Variants in AMY2B observed in about 807,000 individuals in gnomAD.
AMY2B encodes the protein amylase alpha 2B.
Under a neutral mutation model 59.3 loss-of-function variants are expected in AMY2B, and 63 were observed. That is an observed-to-expected ratio of 1.06 (90% confidence interval 0.87 to 1.31). AMY2B has a LOEUF of 1.31. Among genes scored for constraint, AMY2B ranks in the 50% most tolerant of loss-of-function variants. The pLI is 0.00. For missense variants in AMY2B, 635 were observed against 626.7 expected (o/e 1.01, Z -0.14); for synonymous variants, 180 against 198.1 (o/e 0.91, Z 0.77).
chr1:103,566,100 T>G (rs777274892), intron 2 of AMY2B, among the ~76,000 whole-genome samples: 1 of 152,168 alleles, frequency 6.6e-6, no homozygotes, highest in Non-Finnish European at 1.5e-5. Flanking sequence ...TTCCTTGCTC[T>G]TCTACATGTT....
At chr1:103,577,162 T>C (rs1652389825) in intron 7 of AMY2B, among the ~76,000 whole-genome samples, 2 of 152,122 alleles carry the variant, frequency 1.3e-5, no homozygotes, top group Non-Finnish European at 2.9e-5. Context: ...CGCTTGAGCC[T>C]GGGAGATCAA....
At chr1:103,575,161 T>G in intron 5 of AMY2B, 62 bp from the exon 6 acceptor site, 2 of 1,608,550 alleles carry the variant, frequency 1.2e-6, no homozygotes, top group African/African-American at 2.7e-5. Context: ...GATGCACAGT[T>G]AAGTTACTCG....
At chr1:103,564,783 T>A (rs1288184141) in intron 1 of AMY2B, among the ~76,000 whole-genome samples, 1 of 152,152 alleles carries the variant, frequency 6.6e-6, no homozygotes, top group African/African-American at 2.4e-5. Flanking sequence ...AATTCTCTGC[T>A]TCTTTCTTCA....
chr1:103,571,574 G>T (rs773714565), upstream of AMY2B: 9 of 1,607,638 alleles, frequency 5.6e-6, no homozygotes, highest in Non-Finnish European at 7.6e-6. Context: ...AATAGTTTCT[G>T]GAAAGGACAC....
chr1:103,564,017 G>A lies in AMY2B; in HGVS notation c.-206-1418G>A, dbSNP rs571719462. 2.4e-4 allele frequency among the ~76,000 whole-genome samples: 36 copies of A among 152,120 alleles called. No individual in the cohort carries two copies. The South Asian group carries it at 6.0e-3, about 25-fold the overall frequency. ...GGCCAAGTGTTAGTAGAGCGAAGGC[G>A]GAAAGACAGTATGAGTTGATAGGAT... On this transcript the variant is annotated intron_variant, in intron 1 of 11. Transcript: ENST00000361355.
At position 103,573,051 on chromosome 1, in the gene AMY2B, T is replaced by A; in HGVS notation, c.316-12T>A. The A allele has an allele frequency of 1.2e-6, 2 of 1,612,182 alleles. No homozygotes were observed. Among genetic ancestry groups the A allele is most frequent in the Non-Finnish European group, 8.5e-7 (1 of 1,179,394 alleles). ...CTGTAAGTCACACTGAAGTAGAAAC[T>A]TTGCTTTCTAGGTTCGTATTTATGT... On this transcript the variant is annotated splice_polypyrimidine_tract_variant and intron_variant, in intron 2 of 9. Coordinates refer to ENST00000684275, the MANE Select transcript of AMY2B (RefSeq NM_001387437.1).
At chr1:103,565,350 A>G (rs1437745257) in intron 1 of AMY2B, 2 of 152,314 alleles carry the variant, frequency 1.3e-5, no homozygotes, top group South Asian at 2.1e-4. Flanking sequence ...GCAGATAGTT[A>G]CATTGTTTAG....
At chr1:103,572,393 A>G (rs543598690) in intron 2 of AMY2B, 137 bp downstream of exon 2, 1 of 1,443,478 alleles carries the variant, frequency 6.9e-7, no homozygotes, top group African/African-American at 1.4e-5. Context: ...ACTCAAAATT[A>G]ACCGTTGCCT....
At position 103,579,336 on chromosome 1, in the gene AMY2B, G is replaced by C. The variant is rs371085504; in HGVS notation, c.1372G>C (p.Gly458Arg). Residue 458 changes from glycine (G) to arginine (R), a missense_variant, in exon 10 of 10, where the codon GGT becomes CGT. Coordinates refer to ENST00000684275, the MANE Select transcript of AMY2B (RefSeq NM_001387437.1). ...DWTFSLTLQT[G>R]LPAGTYCDVI... is the part of the protein sequence containing the mutation. ...GACATTTTCTTTAACTTTGCAAACT[G>C]GTCTTCCTGCTGGCACATACTGTGA... 2.5e-6 allele frequency: 4 copies of C among 1,611,564 alleles called. No homozygotes were observed. Among genetic ancestry groups the C allele is most frequent in the African/African-American group, 2.7e-5 (2 of 74,826 alleles).
At position 103,577,384 on chromosome 1, in the gene AMY2B, T is replaced by C. The variant is rs908115058; in HGVS notation, c.1102-106T>C. On this transcript the variant is annotated intron_variant, in intron 7 of 9. Coordinates refer to ENST00000684275, the MANE Select transcript of AMY2B (RefSeq NM_001387437.1). Reference sequence around the variant, plus strand: ...AGGCATTGGATTCTAGATAAAGTCATTGAATGCAGAGACACAAGTAACAGG... The same window carrying C: ...AGGCATTGGATTCTAGATAAAGTCACTGAATGCAGAGACACAAGTAACAGG... 49 of 1,581,450 alleles carry C rather than the reference T, an allele frequency of 3.1e-5. No homozygotes were observed. The East Asian group carries it at 3.8e-4, about 12-fold the overall frequency.
At chr1:103,570,203 A>G, upstream of AMY2B, 2 of 502,168 alleles carry the variant, frequency 4.0e-6, no homozygotes, top group Non-Finnish European at 7.9e-6. Flanking sequence ...AAACTGTGCT[A>G]TGTTGCCCTG....
intron 2 of AMY2B, 113 bp from the exon 3 acceptor site, chr1:103,572,950 A>G: frequency 6.3e-7 from 1 of 1,582,016 alleles, no homozygotes; most frequent in East Asian, 2.2e-5. Context: ...AATAGTTATA[A>G]GATATCATGA....
chr1:103,569,092 C>T (rs1289173546), upstream of AMY2B: 1 of 152,050 alleles, frequency 6.6e-6, no homozygotes, highest in Non-Finnish European at 1.5e-5. Context: ...AACTCACTCA[C>T]TATCATGAAA....
chr1:103,556,417 A>C (rs944290858), intron 1 of AMY2B, among the ~76,000 whole-genome samples: 1 of 152,182 alleles, frequency 6.6e-6, no homozygotes, highest in African/African-American at 2.4e-5. Flanking sequence ...AAAATAAAGA[A>C]GGTTGAGACA....
At chr1:103,570,174 C>G (rs1260560558), upstream of AMY2B, 1 of 470,768 alleles carries the variant, frequency 2.1e-6, no homozygotes, top group Non-Finnish European at 4.2e-6. Flanking sequence ...AGCGGGAGAT[C>G]AGACACTACG....
intron 1 of AMY2B, among the ~76,000 whole-genome samples, chr1:103,558,840 A>C (rs1416854510): frequency 6.6e-6 from 1 of 151,720 alleles, no homozygotes; most frequent in East Asian, 1.9e-4. Flanking sequence ...CTTAGTCTTT[A>C]ATCTTATTAA....
At chr1:103,563,774 G>C (rs1017543702) in intron 1 of AMY2B, among the ~76,000 whole-genome samples, 6 of 151,992 alleles carry the variant, frequency 3.9e-5, no homozygotes, top group Admixed American at 1.3e-4. Flanking sequence ...CATTGATCTG[G>C]CATTGTTGAA....
chr1:103,574,726 G>T (rs1170832196), intron 5 of AMY2B, among the ~76,000 whole-genome samples: 1 of 151,636 alleles, frequency 6.6e-6, no homozygotes, highest in Non-Finnish European at 1.5e-5. Context: ...TATGTACAAA[G>T]TTTCCATACT....
At chr1:103,566,308 A>ACT (rs1651910570) in intron 2 of AMY2B, among the ~76,000 whole-genome samples, 1 of 152,180 alleles carries the variant, frequency 6.6e-6, no homozygotes, top group African/African-American at 2.4e-5. Context: ...GTATGGACAT[A>ACT]TCCCTTCTCT....
Sources: allele counts gnomAD v4.1 joint callset (sites outside exome capture counted in the v4.1 genomes callset), GRCh38; gene constraint gnomAD v4.1.1; transcripts MANE v1.5; gene names NCBI Gene and HGNC (gene_info 2026-07-23, HGNC 2026-07-21).